The following SLC25A48 variants were observed in gnomAD, a reference collection of about 807,000 sequenced individuals.
SLC25A48 encodes solute carrier family 25 member 48, also known as CTC-321K16.1.
A neutral mutation model predicts 32.2 loss-of-function variants in SLC25A48; 29 were observed. The ratio of observed to expected loss-of-function variants is 0.90; its 90% CI spans 0.67 to 1.23. The LOEUF (loss-of-function observed/expected upper bound fraction) is 1.23. Among genes scored for constraint, SLC25A48 ranks in the 50% most tolerant of loss-of-function variants. The probability of loss-of-function intolerance (pLI) is 0.00; values close to 1 mark genes in which losing one functional copy is unlikely to be tolerated. For missense variants in SLC25A48, 399 were observed against 422.7 expected (o/e 0.94, Z 0.49); for synonymous variants, 164 against 172.3 (o/e 0.95, Z 0.38).
rs115148003 is a variant in SLC25A48 at position 135,650,304 on chromosome 5, T to C, written c.-521+15348T>C. The C allele has an allele frequency of 5.2e-3, 2,074 of 401,970 alleles. 41 individuals carry two copies. The highest frequency in any genetic ancestry group is 0.038 in the African/African-American group (1,820 of 47,654). 24.9% of individuals were successfully genotyped at this position (401,970 alleles called of 1,614,324 possible). A position where few individuals can be genotyped will look rare whatever the true frequency, so the allele number is the denominator to read the frequency against. On this transcript the variant is annotated intron_variant, in intron 3 of 10. Transcript: ENST00000646290. ...AGTTTGGTTTCTCCTTTCTCCTCCC[T>C]TTTCCTTGACTGGTACACTCCAAGC...
In SLC25A48 at chr5:135,806,343, A is replaced by G. The variant is rs1000337880; in HGVS notation, c.-520-6180A>G. Among the ~76,000 whole-genome samples the G allele has an allele frequency of 2.6e-5, 4 of 151,658 alleles. No individual in the cohort carries two copies. The Admixed American group carries it at 2.6e-4, about 10-fold the overall frequency. ...ATATCATAGTATGTTAAAACTAGGT[A>G]TTATAAATATCATGGATATTTCATT... On this transcript the variant is annotated intron_variant, in intron 3 of 10. Coordinates refer to the SLC25A48 transcript ENST00000646290.
At chr5:135,690,854 G>A (rs936038068) in intron 3 of SLC25A48, among the ~76,000 whole-genome samples, 1 of 152,178 alleles carries the variant, frequency 6.6e-6, no homozygotes, top group East Asian at 1.9e-4. Flanking sequence ...CAACAGAAAG[G>A]GTGAGCTCCT....
chr5:135,819,412 A>G (rs1757822671), intron 4 of SLC25A48, among the ~76,000 whole-genome samples: 1 of 152,228 alleles, frequency 6.6e-6, no homozygotes, highest in African/African-American at 2.4e-5. Context: ...ATGCAGTGGA[A>G]TAGTGCTCAA....
intron 3 of SLC25A48, among the ~76,000 whole-genome samples, chr5:135,743,769 G>A (rs1372028728): frequency 6.6e-6 from 1 of 152,224 alleles, no homozygotes; most frequent in East Asian, 1.9e-4. Flanking sequence ...AAGGCCTCAT[G>A]CATCTCCATC....
chr5:135,768,205 G>A (rs916991023), intron 3 of SLC25A48, among the ~76,000 whole-genome samples: 1 of 135,616 alleles, frequency 7.4e-6, no homozygotes, highest in Non-Finnish European at 1.6e-5. Context: ...ACACCCCACT[G>A]TGATATTTTT....
chr5:135,648,152 C>T (rs1029447977), intron 3 of SLC25A48, among the ~76,000 whole-genome samples: 2 of 152,208 alleles, frequency 1.3e-5, no homozygotes, highest in African/African-American at 4.8e-5. Context: ...ATCCTCAGCA[C>T]TGGCTAGAGA....
At chr5:135,887,607 C>A (rs149663894) in intron 7 of SLC25A48, among the ~76,000 whole-genome samples, 1 of 152,178 alleles carries the variant, frequency 6.6e-6, no homozygotes, top group Non-Finnish European at 1.5e-5. Context: ...TGGGAGTGCA[C>A]GATCTTGGCC....
intron 3 of SLC25A48, among the ~76,000 whole-genome samples, chr5:135,696,456 G>A (rs1319474937): frequency 6.6e-6 from 1 of 152,242 alleles, no homozygotes; most frequent in Non-Finnish European, 1.5e-5. Context: ...AGTCCTGGCA[G>A]TGAATTCCAG....
At chr5:135,796,674 G>T (rs1243795792) in intron 3 of SLC25A48, among the ~76,000 whole-genome samples, 3 of 151,906 alleles carry the variant, frequency 2.0e-5, no homozygotes, top group Middle Eastern at 3.4e-3. Flanking sequence ...ATCCCGGGGG[G>T]TGTACATTTT....
intron 4 of SLC25A48, among the ~76,000 whole-genome samples, chr5:135,864,577 G>A (rs1761049580): frequency 6.6e-6 from 1 of 152,208 alleles, no homozygotes; most frequent in Admixed American, 6.5e-5. Flanking sequence ...GTTGCCAACA[G>A]CAAGTGAGAG....
chr5:135,756,698 C>T (rs1472596142), intron 3 of SLC25A48, among the ~76,000 whole-genome samples: 2 of 151,786 alleles, frequency 1.3e-5, no homozygotes, highest in South Asian at 4.2e-4. Flanking sequence ...TGTATGATAC[C>T]TATAATATGT....
intron 1 of SLC25A48, among the ~76,000 whole-genome samples, chr5:135,586,843 C>T (rs1751377470): frequency 6.6e-6 from 1 of 152,024 alleles, no homozygotes; most frequent in African/African-American, 2.4e-5. Context: ...GGAGTTTGGG[C>T]TTCATCACCT....
chr5:135,655,271 G>T (rs1227785732), intron 3 of SLC25A48, among the ~76,000 whole-genome samples: 1 of 152,180 alleles, frequency 6.6e-6, no homozygotes, highest in South Asian at 2.1e-4. Flanking sequence ...GGGGCCAGGC[G>T]CTTTCTAAGT....
At chr5:135,625,727 CAG>C (rs1485320153) in intron 1 of SLC25A48, among the ~76,000 whole-genome samples, 1 of 152,066 alleles carries the variant, frequency 6.6e-6, no homozygotes, top group Non-Finnish European at 1.5e-5. Context: ...CCAGGTAGAA[CAG>C]GGGGAAGAAG....
At chr5:135,613,790 A>T (rs1274840996) in intron 1 of SLC25A48, among the ~76,000 whole-genome samples, 2 of 152,182 alleles carry the variant, frequency 1.3e-5, no homozygotes, top group Non-Finnish European at 2.9e-5. Flanking sequence ...ATTCTGTTCC[A>T]TTGGTCTATG....
intron 1 of SLC25A48, among the ~76,000 whole-genome samples, chr5:135,839,126 C>T (rs1446264323): frequency 6.6e-6 from 1 of 152,178 alleles, no homozygotes; most frequent in Non-Finnish European, 1.5e-5. Context: ...TCAGTTTCTT[C>T]CCTGATGGTG....
chr5:135,688,902 A>T (rs1754080398), intron 3 of SLC25A48, among the ~76,000 whole-genome samples: 2 of 152,224 alleles, frequency 1.3e-5, no homozygotes, highest in South Asian at 2.1e-4. Flanking sequence ...AATAATAATA[A>T]TAGCTATCAT....
At chr5:135,584,755 G>A (rs1320790258) in intron 1 of SLC25A48, among the ~76,000 whole-genome samples, 2 of 152,184 alleles carry the variant, frequency 1.3e-5, no homozygotes, top group South Asian at 2.1e-4. Flanking sequence ...AACAATGAAA[G>A]CTCTAAATTT....
At chr5:135,865,137 A>G (rs1214148386) in intron 4 of SLC25A48, among the ~76,000 whole-genome samples, 1 of 152,262 alleles carries the variant, frequency 6.6e-6, no homozygotes, top group Non-Finnish European at 1.5e-5. Context: ...TGCCTTTCAC[A>G]GATCATGAGG....
Sources: gnomAD v4.1 joint callset for allele counts (sites outside exome capture counted in the v4.1 genomes callset) on GRCh38, gnomAD v4.1.1 for gene constraint, MANE v1.5 for transcripts, NCBI Gene and HGNC (gene_info 2026-07-23, HGNC 2026-07-21) for gene names.